Variants in WWTR1 observed in about 807,000 individuals in gnomAD.
WWTR1 encodes WW domain-containing transcription regulator protein 1.
A neutral mutation model predicts 40.1 loss-of-function variants in WWTR1; 13 were observed. That is an observed-to-expected ratio of 0.32 (90% CI 0.21 to 0.52). The LOEUF (loss-of-function observed/expected upper bound fraction) is 0.52, where lower values mean the gene tolerates loss of function less well. Ranked by LOEUF, WWTR1 falls within the 20% of genes least tolerant of loss-of-function variation. The pLI is 0.97. For missense variants in WWTR1, 436 were observed against 523.1 expected, an observed-to-expected ratio of 0.83 and a Z score of 1.63; for synonymous variants, 230 against 210.1, an observed-to-expected ratio of 1.09 and a Z score of -0.82.
intron 3 of WWTR1, among the ~76,000 whole-genome samples, chr3:149,562,449 G>C (rs1489244025): frequency 6.6e-6 from 1 of 152,016 alleles, no homozygotes; most frequent in Non-Finnish European, 1.5e-5. Context: ...ATTTTGAATG[G>C]TACCATGGCT....
intron 2 of WWTR1, among the ~76,000 whole-genome samples, chr3:149,576,956 G>A (rs1208916443): frequency 6.6e-6 from 1 of 152,168 alleles, no homozygotes; most frequent in Non-Finnish European, 1.5e-5. Context: ...TTGGGAGTTC[G>A]AGACCAGCCT....
chr3:149,694,547 A>T, intron 1 of WWTR1, among the ~76,000 whole-genome samples: 1 of 152,250 alleles, frequency 6.6e-6, no homozygotes, highest in Middle Eastern at 3.2e-3. Flanking sequence ...GAAGACATAC[A>T]AATGGCAAGC....
rs529133327 is a variant in WWTR1 at position 149,596,891 on chromosome 3, G to C, written c.432-23891C>G. On this transcript the variant is annotated intron_variant, in intron 2 of 6. Coordinates refer to ENST00000360632, the MANE Select transcript of WWTR1 (RefSeq NM_015472.6). ...TACACTTTCTACTTAAATTAACTTG[G>C]GCAAATTACTTAATCTCTTGGTGCC... 1.4e-4 allele frequency among the ~76,000 whole-genome samples: 21 copies of C among 152,080 alleles called. No individual in the cohort carries two copies. The South Asian group carries it at 4.4e-3, about 32-fold the overall frequency.
At chr3:149,591,888 G>A (rs1270130466) in intron 2 of WWTR1, among the ~76,000 whole-genome samples, 7 of 150,378 alleles carry the variant, frequency 4.7e-5, no homozygotes, top group Non-Finnish European at 7.4e-5. Flanking sequence ...GAAACATTGC[G>A]GGAGGGGGTA....
At chr3:149,625,943 G>A (rs937402441) in intron 2 of WWTR1, among the ~76,000 whole-genome samples, 1 of 152,108 alleles carries the variant, frequency 6.6e-6, no homozygotes, top group Non-Finnish European at 1.5e-5. Context: ...TACCATTTAA[G>A]TACCTACCAA....
rs567571296 is a variant in WWTR1 at position 149,596,473 on chromosome 3, T to C, written c.432-23473A>G. 3.4e-4 allele frequency among the ~76,000 whole-genome samples: 52 copies of C among 151,384 alleles called. No individual in the cohort carries two copies. In the South Asian group the frequency reaches 6.3e-3, roughly 18 times the overall value. ...CCTGTTCCTCTGTCAGTGCACTGATTAAGTTAGAAAAGGTGAGCCCACTTC... is the reference window on the plus strand; with the variant it reads ...CCTGTTCCTCTGTCAGTGCACTGATCAAGTTAGAAAAGGTGAGCCCACTTC... On this transcript the variant is annotated intron_variant, in intron 2 of 6. Transcript: ENST00000360632.
intron 1 of WWTR1, among the ~76,000 whole-genome samples, chr3:149,680,198 T>C (rs1205526563): frequency 6.6e-6 from 1 of 152,210 alleles, no homozygotes; most frequent in African/African-American, 2.4e-5. Context: ...AGATGTATGA[T>C]TACCTTACAT....
At chr3:149,641,078 G>A (rs1019393955) in intron 2 of WWTR1, among the ~76,000 whole-genome samples, 1 of 152,156 alleles carries the variant, frequency 6.6e-6, no homozygotes, top group African/African-American at 2.4e-5. Flanking sequence ...TATTTATTAT[G>A]CAGGGTCCTT....
intron 2 of WWTR1, among the ~76,000 whole-genome samples, chr3:149,618,580 C>G (rs1740114795): frequency 6.6e-6 from 1 of 152,110 alleles, no homozygotes; most frequent in African/African-American, 2.4e-5. Flanking sequence ...CCCCACATAT[C>G]TAAAGCTTAC....
At chr3:149,633,647 C>T (rs950367368) in intron 2 of WWTR1, among the ~76,000 whole-genome samples, 21 of 152,124 alleles carry the variant, frequency 1.4e-4, no homozygotes, top group African/African-American at 5.1e-4. Context: ...ATCCAACAGC[C>T]TGTAGACTGG....
chr3:149,609,949 C>T (rs1739655909), intron 2 of WWTR1, among the ~76,000 whole-genome samples: 1 of 152,238 alleles, frequency 6.6e-6, no homozygotes, highest in African/African-American at 2.4e-5. Flanking sequence ...ATTCTTCATT[C>T]ACAGGGGTTC....
intron 2 of WWTR1, among the ~76,000 whole-genome samples, chr3:149,646,725 C>T (rs1712556218): frequency 1.3e-5 from 2 of 152,148 alleles, no homozygotes; most frequent in Non-Finnish European, 2.9e-5. Flanking sequence ...AACCGACTAG[C>T]TAGCTAACAA....
rs530610252 is a variant in WWTR1 at position 149,715,285 on chromosome 3, T to C, written n.584+2157A>G. ...CTGGGAGCTCCCCAAGCCAGGGCTGTGACTCCCTCTTTGGGGGCCTGCAGT... is the reference window on the plus strand; with the variant it reads ...CTGGGAGCTCCCCAAGCCAGGGCTGCGACTCCCTCTTTGGGGGCCTGCAGT... On this transcript the variant is annotated intron_variant and non_coding_transcript_variant, in intron 5 of 6. Coordinates refer to the WWTR1 transcript ENST00000474080. 5.3e-5 allele frequency among the ~76,000 whole-genome samples: 8 copies of C among 152,330 alleles called. No homozygotes were observed. In the East Asian group the frequency reaches 1.5e-3, roughly 29 times the overall value.
chr3:149,628,967 T>C (rs1711498845), intron 2 of WWTR1, among the ~76,000 whole-genome samples: 1 of 151,774 alleles, frequency 6.6e-6, no homozygotes, highest in South Asian at 2.1e-4. Flanking sequence ...GAGATGGGTC[T>C]CCCTATGCTG....
At position 149,522,668 on chromosome 3, in the gene WWTR1, C is replaced by G. The variant is rs938916947; in HGVS notation, c.1019-1679G>C. On this transcript the variant is annotated intron_variant, in intron 6 of 6. Coordinates refer to ENST00000360632, the MANE Select transcript of WWTR1 (RefSeq NM_015472.6). ...CTCTTCATCTCCAGTTAGAATCATT[C>G]ATTTTTACTAATTTCCCATTTTAAC... 2.0e-5 allele frequency among the ~76,000 whole-genome samples: 3 copies of G among 152,094 alleles called. No individual in the cohort carries two copies. In the South Asian group the frequency reaches 6.2e-4, roughly 32 times the overall value.
intron 1 of WWTR1, chr3:149,701,825 G>A (rs534101396): frequency 1.9e-4 from 33 of 176,634 alleles, no homozygotes; most frequent in African/African-American, 6.9e-4. Flanking sequence ...CTGGGGAGGC[G>A]GTCCTGAGCA....
At chr3:149,695,348 G>A (rs1452675193) in intron 1 of WWTR1, among the ~76,000 whole-genome samples, 2 of 152,072 alleles carry the variant, frequency 1.3e-5, no homozygotes, top group Non-Finnish European at 2.9e-5. Flanking sequence ...AAAGCTTGAG[G>A]TGATGATACC....
intron 2 of WWTR1, among the ~76,000 whole-genome samples, chr3:149,589,122 T>C (rs1325807697): frequency 1.3e-5 from 2 of 152,196 alleles, no homozygotes; most frequent in Admixed American, 6.5e-5. Context: ...GGGCCTAGCA[T>C]GTCCTGTACT....
At chr3:149,521,954 G>A (rs1735068964) in intron 6 of WWTR1, among the ~76,000 whole-genome samples, 1 of 152,146 alleles carries the variant, frequency 6.6e-6, no homozygotes. Flanking sequence ...ATGGCTCTGG[G>A]TGTCATTGAT....
Sources: allele counts gnomAD v4.1 joint callset (sites outside exome capture counted in the v4.1 genomes callset), GRCh38; gene constraint gnomAD v4.1.1; transcripts MANE v1.5; gene names NCBI Gene and HGNC (gene_info 2026-07-23, HGNC 2026-07-21).